SSH1: variants seen among roughly 807,000 people sequenced by gnomAD.
The protein encoded by SSH1 is slingshot protein phosphatase 1.
SSH1 carries 43 observed loss-of-function variants against 79.7 expected under a neutral mutation model. The observed-to-expected ratio is 0.54, with a 90% CI of 0.42 to 0.70. The LOEUF is 0.70. Among genes scored for constraint, SSH1 ranks in the 30% least tolerant of loss-of-function variants. SSH1 has a pLI of 0.00. For missense variants in SSH1, 1,206 were observed against 1,358.8 expected (o/e 0.89, Z 1.77); for synonymous variants, 599 against 538.3 (o/e 1.11, Z -1.56).
At chr12:108,819,357 C>T (rs1460727561) in intron 3 of SSH1, among the ~76,000 whole-genome samples, 1 of 152,198 alleles carries the variant, frequency 6.6e-6, no homozygotes, top group African/African-American at 2.4e-5. Context: ...CCATGAGTCT[C>T]GCGCGAAGCA....
chr12:108,788,181 G>T lies in SSH1; in HGVS notation c.2957C>A (p.Thr986Asn), dbSNP rs2136954577. ...ACTGGACAGGTCTTCCGTTGAGAAGGTGAGACTCCCCAGCTTGGCAAGAGA... is the reference window on the plus strand; with the variant it reads ...ACTGGACAGGTCTTCCGTTGAGAAGTTGAGACTCCCCAGCTTGGCAAGAGA... ...SHSLAKLGSLTFSTEDLSSEA... is the reference protein window; with the variant it reads ...SHSLAKLGSLNFSTEDLSSEA... The change falls in exon 15 of 15, where the codon ACC (threonine) becomes AAC (asparagine). Residue 986 changes from threonine (T) to asparagine (N), a missense_variant. Physicochemically the swap from Thr to Asn is moderately conservative, Grantham distance 65. Transcript: ENST00000326495. The T allele has an allele frequency of 6.2e-7, 1 of 1,614,048 alleles. No homozygotes were observed. The highest frequency in any genetic ancestry group is 8.5e-7 in the Non-Finnish European group (1 of 1,180,022).
chr12:108,820,530 C>G (rs2038077467), intron 3 of SSH1, among the ~76,000 whole-genome samples: 1 of 152,208 alleles, frequency 6.6e-6, no homozygotes, highest in Non-Finnish European at 1.5e-5. Flanking sequence ...ATTTTCCACA[C>G]AGATAAACTT....
intron 2 of SSH1, among the ~76,000 whole-genome samples, chr12:108,838,919 T>C (rs1318311135): frequency 1.3e-5 from 2 of 152,258 alleles, no homozygotes; most frequent in Admixed American, 6.5e-5. Context: ...ATGTATTACA[T>C]GTACAAACCT....
In SSH1 at chr12:108,787,483, CAG is replaced by C. The variant is rs1461246403; in HGVS notation, c.*503_*504del. On this transcript the variant is annotated 3_prime_UTR_variant, in exon 15 of 15. Transcript: ENST00000326495. ...CTTTTTTTGGAAAAACGCTTTCAGA[CAG>C]AGCATTATTCCCTGGAACAAGCCTT... 2 of 159,520 alleles carry C rather than the reference CAG, an allele frequency of 1.3e-5. No individual in the cohort carries two copies. Among genetic ancestry groups the C allele is most frequent in the African/African-American group, 4.8e-5 (2 of 41,498 alleles). 9.9% of individuals were successfully genotyped at this position (159,520 alleles called of 1,614,324 possible).
intron 2 of SSH1, among the ~76,000 whole-genome samples, chr12:108,835,387 T>C (rs1357153158): frequency 2.0e-5 from 3 of 152,062 alleles, no homozygotes; most frequent in Non-Finnish European, 2.9e-5. Flanking sequence ...TGAGCCGAGA[T>C]TGTGCCACAG....
intron 12 of SSH1, among the ~76,000 whole-genome samples, 194 bp downstream of exon 12, chr12:108,800,586 T>C (rs750698202): frequency 1.3e-5 from 2 of 150,216 alleles, no homozygotes; most frequent in Non-Finnish European, 1.5e-5. Flanking sequence ...CCTTTGGTGC[T>C]TGGAGTCCTG....
chr12:108,841,447 GAC>G (rs1268646971), intron 2 of SSH1, among the ~76,000 whole-genome samples: 1 of 152,192 alleles, frequency 6.6e-6, no homozygotes, highest in East Asian at 1.9e-4. Flanking sequence ...ATTAAGTTCT[GAC>G]AGAATTAACT....
chr12:108,826,991 C>T (rs190992787), intron 2 of SSH1, among the ~76,000 whole-genome samples: 1 of 142,726 alleles, frequency 7.0e-6, no homozygotes, highest in Non-Finnish European at 1.5e-5. Context: ...TAAGAAAAAT[C>T]TTGATGAGGG....
chr12:108,797,203 T>A (rs889537085), intron 13 of SSH1, among the ~76,000 whole-genome samples: 1 of 152,118 alleles, frequency 6.6e-6, no homozygotes, highest in Admixed American at 6.6e-5. Context: ...CTCGGCTCAC[T>A]GCAACCTCTG....
chr12:108,817,286 A>C, intron 4 of SSH1, 127 bp from the exon 5 acceptor site: 1 of 1,427,406 alleles, frequency 7.0e-7, no homozygotes, highest in Non-Finnish European at 9.5e-7. Context: ...TGAAGAGAAA[A>C]TTCTTGGCTG....
chr12:108,856,718 C>T (rs954087420), intron 1 of SSH1, among the ~76,000 whole-genome samples: 1 of 152,222 alleles, frequency 6.6e-6, no homozygotes, highest in African/African-American at 2.4e-5. Context: ...ATGCCTGTCT[C>T]ACGCTGGCAC....
At position 108,792,332 on chromosome 12, in the gene SSH1, TC is replaced by T; in HGVS notation, c.1846del (p.Glu616ArgfsTer3). ...TQLDQNLLNS[E>X]NLNNNSKRSC... ...CCTCTTGCTGTTGTTGTTTAGGTTC[TC>T]CGAGTTGAGCAGGTTTTGATCGAGC... On this transcript the variant is annotated frameshift_variant, in exon 14 of 15. Transcript: ENST00000326495. LOFTEE classifies it low-confidence loss of function (END_TRUNC). 6.8e-6 allele frequency: 11 copies of T among 1,614,214 alleles called. No homozygotes were observed. The highest frequency in any genetic ancestry group is 9.3e-6 in the Non-Finnish European group (11 of 1,180,028).
At position 108,778,530 on chromosome 12, in the gene SSH1, G is replaced by A. The variant is rs1468598539; in HGVS notation, c.*9458C>T. The A allele has an allele frequency of 2.0e-5, 3 of 152,082 alleles. No homozygotes were observed. Among genetic ancestry groups the A allele is most frequent in the Non-Finnish European group, 2.9e-5 (2 of 68,020 alleles). 9.4% of individuals were successfully genotyped at this position (152,082 alleles called of 1,614,324 possible). A position where few individuals can be genotyped will look rare whatever the true frequency, so the allele number is the denominator to read the frequency against. On this transcript the variant is annotated 3_prime_UTR_variant, in exon 15 of 15. Transcript: ENST00000326495. ...CTCTGTAAAACAGAATCATATCTGC[G>A]GTGAGGATTAACTTGGTAATACATG...
intron 7 of SSH1, among the ~76,000 whole-genome samples, chr12:108,808,208 G>C (rs143123646): frequency 6.6e-6 from 1 of 152,210 alleles, no homozygotes; most frequent in African/African-American, 2.4e-5. Context: ...AAAGTACTGG[G>C]ATTATAGGCG....
At chr12:108,803,320 G>A (rs1169953107) in intron 10 of SSH1, among the ~76,000 whole-genome samples, 2 of 149,396 alleles carry the variant, frequency 1.3e-5, no homozygotes, top group African/African-American at 5.0e-5. Context: ...TGGTATCATT[G>A]AAAAACCTTC....
chr12:108,846,449 T>A (rs2038900732), intron 2 of SSH1, among the ~76,000 whole-genome samples: 1 of 152,206 alleles, frequency 6.6e-6, no homozygotes, highest in South Asian at 2.1e-4. Flanking sequence ...AGCAGGGCCA[T>A]CTGCTCACCA....
intron 8 of SSH1, among the ~76,000 whole-genome samples, chr12:108,806,742 C>A (rs2037297196): frequency 6.6e-6 from 1 of 152,202 alleles, no homozygotes; most frequent in Non-Finnish European, 1.5e-5. Flanking sequence ...GGCATGAGGA[C>A]CTCACTGTCT....
At chr12:108,803,856 A>T (rs2137053823) in intron 10 of SSH1, among the ~76,000 whole-genome samples, 1 of 152,362 alleles carries the variant, frequency 6.6e-6, no homozygotes, top group East Asian at 1.9e-4. Flanking sequence ...AGATTTGTAT[A>T]CAGAAATGTA....
At chr12:108,825,171 T>C (rs2038266137) in intron 2 of SSH1, among the ~76,000 whole-genome samples, 2 of 152,234 alleles carry the variant, frequency 1.3e-5, no homozygotes, top group African/African-American at 2.4e-5. Flanking sequence ...AACATATACA[T>C]GATTTGAAGG....
Sources: gnomAD v4.1 joint callset for allele counts (sites outside exome capture counted in the v4.1 genomes callset) on GRCh38, gnomAD v4.1.1 for gene constraint, MANE v1.5 for transcripts, NCBI Gene and HGNC (gene_info 2026-07-23, HGNC 2026-07-21) for gene names.